Variants in FAT4 observed in about 807,000 individuals in gnomAD.
FAT4 encodes FAT atypical cadherin 4, also known as protocadherin Fat 4.
Under a neutral mutation model 303.9 loss-of-function variants are expected in FAT4, and 84 were observed. The ratio of observed to expected loss-of-function variants is 0.28; its 90% CI spans 0.23 to 0.33. The LOEUF is 0.33. Ranked by LOEUF, FAT4 falls within the 10% of genes least tolerant of loss-of-function variation. The pLI is 1.00. For missense variants in FAT4, 6,005 were observed against 6,146.8 expected (o/e 0.98, Z 0.77); for synonymous variants, 2,307 against 2,298.8 (o/e 1.00, Z -0.10).
intron 7 of FAT4, among the ~76,000 whole-genome samples, chr4:125,421,089 A>AT (rs911842102): frequency 3.7e-4 from 56 of 151,512 alleles, no homozygotes; most frequent in Admixed American, 1.3e-3. Context: ...TGCCTGGCTA[A>AT]TTTTTTTTTA....
chr4:125,376,415 A>G (rs1733319982), intron 2 of FAT4, among the ~76,000 whole-genome samples: 1 of 152,100 alleles, frequency 6.6e-6, no homozygotes, highest in Non-Finnish European at 1.5e-5. Context: ...GGGAAACATC[A>G]CACACCGGGG....
chr4:125,326,439 A>G (rs911307224), intron 2 of FAT4, among the ~76,000 whole-genome samples: 6 of 152,100 alleles, frequency 3.9e-5, no homozygotes, highest in African/African-American at 1.4e-4. Context: ...ACATAATGAT[A>G]AGTGCATAGT....
At chr4:125,327,315 G>A (rs1731196599) in intron 2 of FAT4, among the ~76,000 whole-genome samples, 1 of 152,136 alleles carries the variant, frequency 6.6e-6, no homozygotes, top group Admixed American at 6.5e-5. Context: ...GTTTAAGAAG[G>A]TGGAGAATTA....
intron 2 of FAT4, among the ~76,000 whole-genome samples, chr4:125,355,634 C>A (rs1364430931): frequency 1.3e-5 from 2 of 151,926 alleles, no homozygotes; most frequent in East Asian, 1.9e-4. Flanking sequence ...GGTACACATG[C>A]CTTTTATGAT....
rs931192612 is a variant in FAT4 at position 125,490,702 on chromosome 4, G to A, written c.13886G>A (p.Ser4629Asn). Reference protein sequence around the residue: ...IEHYDIDNASSIAPSDADIIQ... With the variant: ...IEHYDIDNASNIAPSDADIIQ... ...CACTATGACATTGACAACGCCAGCA[G>A]CATCGCCCCTTCGGATGCAGACATC... Residue 4629 changes from serine to asparagine, a missense_variant, in exon 18 of 18, where the codon AGC (serine) becomes AAC (asparagine). By Grantham distance (46) the Ser-to-Asn change is conservative (BLOSUM62 1). Transcript: ENST00000394329. 8.1e-6 allele frequency: 13 copies of A among 1,614,154 alleles called. No individual in the cohort carries two copies. Among genetic ancestry groups the A allele is most frequent in the Non-Finnish European group, 9.3e-6 (11 of 1,180,044 alleles).
chr4:125,411,321 G>A (rs963397), intron 5 of FAT4, among the ~76,000 whole-genome samples: 151,060 of 152,108 alleles, frequency 0.99, 75,014 homozygotes, highest in Middle Eastern at 1. Context: ...TACTAAGCAT[G>A]CGGTATTACA....
chr4:125,451,995 G>C lies in FAT4; in HGVS notation c.10985G>C (p.Ser3662Thr), dbSNP rs534774420. 6.2e-7 allele frequency: 1 copy of C among 1,614,018 alleles called. No individual in the cohort carries two copies. The highest frequency in any genetic ancestry group is 1.3e-5 in the African/African-American group (1 of 74,920). ...ACTTCAGGAGTTACCAGCCTCTTCA[G>C]TATTCCAGGGGGTACTTGTGATCTG... Reference protein sequence around the residue: ...SLTSGVTSLFSIPGGTCDLNS... With the variant: ...SLTSGVTSLFTIPGGTCDLNS... Residue 3662 changes from serine (S) to threonine (T), a missense_variant, in exon 10 of 18, where the codon AGT (serine) becomes ACT (threonine). Ser to Thr is a moderately conservative substitution (Grantham distance 58). Coordinates refer to ENST00000394329, the MANE Select transcript of FAT4 (RefSeq NM_001291303.3).
At position 125,477,272 on chromosome 4, in the gene FAT4, T is replaced by A. The variant is rs752609124; in HGVS notation, c.12417T>A (p.Phe4139Leu). ...SHDFVGCIME[F>L]AVNGRPLEPS... Reference sequence around the variant, plus strand: ...ATTTTGTTGGGTGTATAATGGAGTTTGCAGTCAATGGAAGGCCTCTGGAAC... The same window carrying A: ...ATTTTGTTGGGTGTATAATGGAGTTAGCAGTCAATGGAAGGCCTCTGGAAC... The change falls in exon 14 of 18, where the codon TTT (phenylalanine) becomes TTA (leucine). Residue 4139 changes from phenylalanine (F) to leucine (L), a missense_variant. By Grantham distance (22) the Phe-to-Leu change is conservative. Coordinates refer to ENST00000394329, the MANE Select transcript of FAT4 (RefSeq NM_001291303.3). The A allele has an allele frequency of 6.3e-7, 1 of 1,584,612 alleles. No individual in the cohort carries two copies. Among genetic ancestry groups the A allele is most frequent in the Admixed American group, 1.7e-5 (1 of 57,580 alleles).
intron 2 of FAT4, among the ~76,000 whole-genome samples, chr4:125,328,762 T>C (rs1489604762): frequency 6.6e-6 from 1 of 152,212 alleles, no homozygotes; most frequent in Non-Finnish European, 1.5e-5. Context: ...CAAATGAGAA[T>C]ACTGAGGCTC....
At chr4:125,489,692 G>C (rs1727536514) in intron 17 of FAT4, among the ~76,000 whole-genome samples, 1 of 151,956 alleles carries the variant, frequency 6.6e-6, no homozygotes, top group East Asian at 1.9e-4. Context: ...TTTGGTCATG[G>C]TAATCTTAAC....
chr4:125,400,245 G>A (rs1285033059), intron 3 of FAT4, among the ~76,000 whole-genome samples: 1 of 151,802 alleles, frequency 6.6e-6, no homozygotes, highest in Non-Finnish European at 1.5e-5. Context: ...CTAATGGGAT[G>A]GCTATTTACT....
intron 3 of FAT4, among the ~76,000 whole-genome samples, chr4:125,403,827 A>G (rs1429507503): frequency 6.6e-6 from 1 of 152,140 alleles, no homozygotes; most frequent in Non-Finnish European, 1.5e-5. Flanking sequence ...TTGTTAAAAA[A>G]GTGAGAATAT....
At chr4:125,461,993 A>G (rs1726499235) in intron 10 of FAT4, among the ~76,000 whole-genome samples, 1 of 152,000 alleles carries the variant, frequency 6.6e-6, no homozygotes, top group Non-Finnish European at 1.5e-5. Context: ...GTGCCCATAA[A>G]TTTGTAACTT....
chr4:125,330,782 A>G (rs1731350432), intron 2 of FAT4, among the ~76,000 whole-genome samples: 1 of 152,196 alleles, frequency 6.6e-6, no homozygotes, highest in South Asian at 2.1e-4. Flanking sequence ...AGTGAGAGTG[A>G]TCTTTTAGAT....
chr4:125,380,533 T>C (rs1733500317), intron 2 of FAT4, among the ~76,000 whole-genome samples: 1 of 152,238 alleles, frequency 6.6e-6, no homozygotes, highest in Non-Finnish European at 1.5e-5. Flanking sequence ...CTCTCTTTAG[T>C]ATTAGTTTAA....
rs34835715 is a variant in FAT4, at chr4:125,480,972, A to AT, written c.12605-542dup. ...AAGCTTCAATATTTCTGGAATGTGG[A>AT]TTTTTTTCAGATTACAATAAACTAT... On this transcript the variant is annotated intron_variant, in intron 15 of 17. Coordinates refer to ENST00000394329, the MANE Select transcript of FAT4 (RefSeq NM_001291303.3). Among the ~76,000 whole-genome samples, 271 of 152,108 alleles carry AT rather than the reference A, an allele frequency of 1.8e-3. 3 individuals are homozygous for AT. The highest frequency in any genetic ancestry group is 6.1e-3 in the African/African-American group (254 of 41,528).
intron 14 of FAT4, among the ~76,000 whole-genome samples, chr4:125,477,916 A>G (rs1240838069): frequency 2.0e-5 from 3 of 152,240 alleles, no homozygotes; most frequent in Non-Finnish European, 4.4e-5. Context: ...AAATTCTGAA[A>G]AAATACAAGG....
chr4:125,378,145 G>A (rs897324524), intron 2 of FAT4, among the ~76,000 whole-genome samples: 3 of 152,028 alleles, frequency 2.0e-5, no homozygotes, highest in Admixed American at 2.0e-4. Flanking sequence ...TTCTATGTAT[G>A]TACCAAGTTA....
chr4:125,463,494 G>T, intron 10 of FAT4, 69 bp from the exon 11 acceptor site: 2 of 854,628 alleles, frequency 2.3e-6, no homozygotes, highest in Non-Finnish European at 3.5e-6. Context: ...TTTACGTATG[G>T]TAATGGTGTA....
Sources: allele counts gnomAD v4.1 joint callset (sites outside exome capture counted in the v4.1 genomes callset), GRCh38; gene constraint gnomAD v4.1.1; transcripts MANE v1.5; gene names NCBI Gene and HGNC (gene_info 2026-07-23, HGNC 2026-07-21).